Variants in G2E3 observed in about 807,000 individuals in gnomAD.
G2E3 encodes the protein G2/M-phase specific E3 ubiquitin protein ligase, also known as G2/M phase-specific E3 ubiquitin-protein ligase.
G2E3 carries 35 observed loss-of-function variants against 92.8 expected under a neutral mutation model. That is an observed-to-expected ratio of 0.38 (90% CI 0.29 to 0.50). The LOEUF (loss-of-function observed/expected upper bound fraction) is 0.50. Ranked by LOEUF, G2E3 falls within the 20% of genes least tolerant of loss-of-function variation. The pLI, the probability that G2E3 is intolerant of heterozygous loss-of-function variation, is 0.94. For missense variants in G2E3, 554 were observed against 823.8 expected, an observed-to-expected ratio of 0.67 and a Z score of 4.01; for synonymous variants, 242 against 272.4, an observed-to-expected ratio of 0.89 and a Z score of 1.10.
chr14:30,619,671 C>G lies in G2E3; in HGVS notation c.*3137C>G, dbSNP rs1429662181. The G allele has an allele frequency of 6.6e-6, 1 of 152,094 alleles. No individual in the cohort carries two copies. The highest frequency in any genetic ancestry group is 1.9e-4 in the East Asian group (1 of 5,196). The allele number at this position is 152,094 out of a possible 1,614,324, so 9.4% of individuals were successfully genotyped here. A position where few individuals can be genotyped will look rare whatever the true frequency, so the allele number is the denominator to read the frequency against. The stretch of plus-strand genomic sequence containing the variant: ...GTTCTGATTTTGACCATTATCTCTT[C>G]TAATTCATAAACATATCCCAGTACC... On this transcript the variant is annotated 3_prime_UTR_variant, in exon 15 of 15. Transcript: ENST00000206595.
chr14:30,602,266 C>T (rs1881606604), intron 10 of G2E3, 135 bp downstream of exon 10: 3 of 633,090 alleles, frequency 4.7e-6, no homozygotes, highest in Admixed American at 6.7e-5. Flanking sequence ...CAGGACCCAA[C>T]ATTTGATCAT....
In G2E3 at chr14:30,605,536, A is replaced by G. The variant is rs759068868; in HGVS notation, c.1042A>G (p.Thr348Ala). The G allele has an allele frequency of 6.3e-6, 9 of 1,427,488 alleles. No homozygotes were observed. The highest frequency in any genetic ancestry group is 8.7e-6 in the Non-Finnish European group (9 of 1,037,634). 88.4% of individuals were successfully genotyped at this position (1,427,488 alleles called of 1,614,324 possible). ...QGSKFRRNVS[T>A]LLIELGFQIK... ...CAGCAAATTTAGAAGAAATGTATCA[A>G]CACTATTAATAGAGTTAGGATTCCA... Residue 348 changes from threonine (T) to alanine (A), a missense_variant, in exon 11 of 15, where the codon ACA becomes GCA. Around this residue, in one of 3 missense-constraint regions of G2E3, gnomAD observed 397 missense variants for 560.3 expected, o/e 0.71. Coordinates refer to ENST00000206595, the MANE Select transcript of G2E3 (RefSeq NM_017769.5).
At chr14:30,605,420 G>T (rs184840888) in intron 10 of G2E3, 85 bp from the exon 11 acceptor site, 11 of 498,294 alleles carry the variant, frequency 2.2e-5, no homozygotes, top group Admixed American at 1.9e-4. Context: ...TTTTCCCCTC[G>T]TCTTGTTTTA....
intron 12 of G2E3, chr14:30,611,336 T>C (rs1038242882): frequency 6.6e-6 from 1 of 151,796 alleles, no homozygotes; most frequent in South Asian, 2.1e-4. Flanking sequence ...ATGAAAAACT[T>C]AGGAGATTTC....
At chr14:30,564,842 A>G (rs1313375544) in intron 1 of G2E3, among the ~76,000 whole-genome samples, 2 of 152,096 alleles carry the variant, frequency 1.3e-5, no homozygotes, top group African/African-American at 4.8e-5. Context: ...GATATACCAC[A>G]TTTTGTATAT....
intron 1 of G2E3, among the ~76,000 whole-genome samples, chr14:30,561,898 C>T (rs1566519773): frequency 6.7e-6 from 1 of 149,198 alleles, no homozygotes; most frequent in African/African-American, 2.5e-5. Flanking sequence ...GCATATAATT[C>T]TGTGTAGTTT....
intron 4 of G2E3, chr14:30,590,476 A>G: frequency 3.0e-6 from 1 of 338,286 alleles, no homozygotes; most frequent in South Asian, 2.4e-5. Context: ...GAGAACTAAA[A>G]TAATGTTCTC....
chr14:30,607,782 A>G (rs1426936078), intron 11 of G2E3, 106 bp from the exon 12 acceptor site: 1 of 555,846 alleles, frequency 1.8e-6, no homozygotes, highest in East Asian at 3.2e-5. Context: ...TCTAAGAATT[A>G]TATTTATCTA....
chr14:30,563,764 A>T (rs1284830136), intron 1 of G2E3, among the ~76,000 whole-genome samples: 1 of 149,744 alleles, frequency 6.7e-6, no homozygotes, highest in Non-Finnish European at 1.5e-5. Context: ...TCTGTTGCCC[A>T]GGCTGAATGC....
At chr14:30,609,371 A>G (rs1268474084) in intron 12 of G2E3, among the ~76,000 whole-genome samples, 2 of 152,208 alleles carry the variant, frequency 1.3e-5, no homozygotes, top group African/African-American at 4.8e-5. Context: ...CTAAATATCC[A>G]TGTCCAAAGG....
Position 30,619,254 on chromosome 14 carries a change from T to A in G2E3, c.*2720T>A, listed in dbSNP as rs1337840066. 1 of 152,120 alleles carries A rather than the reference T, an allele frequency of 6.6e-6. No homozygotes were observed. The highest frequency in any genetic ancestry group is 1.9e-4 in the East Asian group (1 of 5,198). 9.4% of individuals were successfully genotyped at this position (152,120 alleles called of 1,614,324 possible). ...ACCAGCATGAGAATTCACCTTGGTT[T>A]CTATTTTATGCATTTGTAAATTTTT... On this transcript the variant is annotated 3_prime_UTR_variant, in exon 15 of 15. Coordinates refer to ENST00000206595, the MANE Select transcript of G2E3 (RefSeq NM_017769.5).
chr14:30,577,551 A>T (rs1880187333), intron 1 of G2E3, among the ~76,000 whole-genome samples: 1 of 152,188 alleles, frequency 6.6e-6, no homozygotes, highest in Non-Finnish European at 1.5e-5. Flanking sequence ...TTCACTTCTA[A>T]CATGGCTTAT....
chr14:30,577,324 A>G (rs1182552761), intron 1 of G2E3, among the ~76,000 whole-genome samples: 1 of 151,716 alleles, frequency 6.6e-6, no homozygotes, highest in Non-Finnish European at 1.5e-5. Flanking sequence ...AAGGAATTTG[A>G]CTTACTTTTT....
At chr14:30,590,660 A>G in intron 4 of G2E3, 1 of 455,708 alleles carries the variant, frequency 2.2e-6, no homozygotes, top group South Asian at 1.6e-5. Context: ...GAAGATATCA[A>G]GAAGGTAGGA....
intron 1 of G2E3, chr14:30,574,649 C>A (rs960678140): frequency 2.6e-5 from 4 of 152,178 alleles, no homozygotes; most frequent in African/African-American, 9.7e-5. Flanking sequence ...TCATTTAGCT[C>A]CCACTTACAA....
At chr14:30,601,972 T>C in intron 9 of G2E3, 27 bp from the exon 10 acceptor site, 2 of 1,607,590 alleles carry the variant, frequency 1.2e-6, no homozygotes. Flanking sequence ...ATCTCTATTA[T>C]GCTAACATGG....
In G2E3 at chr14:30,612,311, T is replaced by A; in HGVS notation, c.1605T>A (p.Asp535Glu). 6.2e-7 allele frequency: 1 copy of A among 1,605,668 alleles called. No homozygotes were observed. Among genetic ancestry groups the A allele is most frequent in the Non-Finnish European group, 8.5e-7 (1 of 1,172,978 alleles). Residue 535 changes from aspartate to glutamate, a missense_variant, in exon 13 of 15, where the codon GAT (aspartate) becomes GAA (glutamate). Physicochemically the swap from Asp to Glu is conservative, Grantham distance 45 (BLOSUM62 2). This residue lies in a region of G2E3 where 397 missense variants were observed against 560.3 expected (regional missense o/e 0.71). Coordinates refer to ENST00000206595, the MANE Select transcript of G2E3 (RefSeq NM_017769.5). Reference protein sequence around the residue: ...GCLRLITTLSDKYMLVKDILG... With the variant: ...GCLRLITTLSEKYMLVKDILG... ...TCAGACTTATAACGACATTAAGTGA[T>A]AAATATATGTTAGTAAAAGACATAC...
rs980882866 is a variant in G2E3, at chr14:30,617,477, A to G, written c.*943A>G. ...ATCCATAATCATTTTAGATATTTGA[A>G]TGATCTCTGTGGATTGGTAGGTTTG... On this transcript the variant is annotated 3_prime_UTR_variant, in exon 15 of 15. Coordinates refer to ENST00000206595, the MANE Select transcript of G2E3 (RefSeq NM_017769.5). 3 of 152,046 alleles carry G rather than the reference A, an allele frequency of 2.0e-5. No homozygotes were observed. Among genetic ancestry groups the G allele is most frequent in the Admixed American group, 1.3e-4 (2 of 15,266 alleles). 9.4% of individuals were successfully genotyped at this position (152,046 alleles called of 1,614,324 possible). A position where few individuals can be genotyped will look rare whatever the true frequency, so the allele number is the denominator to read the frequency against.
In G2E3 at chr14:30,606,158, T is replaced by C. The variant is rs147675008; in HGVS notation, c.1318+346T>C. ...TTCTTCCTGTTTGTATATTTGGAAT[T>C]TGCGGTTAACATAGAGTTTTTATAA... On this transcript the variant is annotated intron_variant, in intron 11 of 14. Transcript: ENST00000206595. Among the ~76,000 whole-genome samples, 860 of 152,252 alleles carry C rather than the reference T, an allele frequency of 5.6e-3. 10 individuals are homozygous for C. The highest frequency in any genetic ancestry group is 0.019 in the African/African-American group (790 of 41,582).
Sources: allele counts gnomAD v4.1 joint callset (sites outside exome capture counted in the v4.1 genomes callset), GRCh38; gene constraint gnomAD v4.1.1; regional missense constraint gnomAD v4.1.1; transcripts MANE v1.5; gene names NCBI Gene and HGNC (gene_info 2026-07-23, HGNC 2026-07-21).